The following RUNX3 variants were observed in gnomAD, a reference collection of about 807,000 sequenced individuals.
The protein encoded by RUNX3 is RUNX family transcription factor 3, also known as runt-related transcription factor 3.
A neutral mutation model predicts 27.7 loss-of-function variants in RUNX3; 10 were observed. That is an observed-to-expected ratio of 0.36 (90% CI 0.22 to 0.61). RUNX3 has a LOEUF of 0.61. Ranked by LOEUF, RUNX3 falls within the 20% of genes least tolerant of loss-of-function variation. RUNX3 has a pLI of 0.72. For missense variants in RUNX3, 469 were observed against 629.5 expected, an observed-to-expected ratio of 0.75 and a Z score of 2.73; for synonymous variants, 270 against 269.2, an observed-to-expected ratio of 1.00 and a Z score of -0.03.
Position 24,918,646 on chromosome 1 carries a change from C to A in RUNX3, c.544+594G>T, listed in dbSNP as rs147501527. ...TGTGGACACAGAGCCTCAGCCTACC[C>A]TCCCACTTCCCCAGCCTTAATCTGA... On this transcript the variant is annotated intron_variant, in intron 3 of 4. Coordinates refer to ENST00000308873, the MANE Select transcript of RUNX3 (RefSeq NM_004350.3). Among the ~76,000 whole-genome samples, 609 of 152,236 alleles carry A rather than the reference C, an allele frequency of 4.0e-3. 6 individuals carry two copies. The highest frequency in any genetic ancestry group is 0.014 in the African/African-American group (569 of 41,532).
chr1:24,949,966 A>AACCCCAGGAG, intron 2 of RUNX3, among the ~76,000 whole-genome samples: 1 of 152,180 alleles, frequency 6.6e-6, no homozygotes, highest in South Asian at 2.1e-4. Flanking sequence ...TGGGCCCTGG[A>AACCCCAGGAG]ACCCCAGGAG....
At chr1:24,935,871 C>T (rs114951607) in intron 2 of RUNX3, among the ~76,000 whole-genome samples, 197 of 152,302 alleles carry the variant, frequency 1.3e-3, no homozygotes, top group Non-Finnish European at 2.4e-3. Flanking sequence ...ACCCAAGCTC[C>T]GAAAGTAAAG....
intron 3 of RUNX3, 126 bp downstream of exon 3, chr1:24,919,114 T>TG: frequency 5.0e-6 from 3 of 594,206 alleles, no homozygotes; most frequent in Non-Finnish European, 8.7e-6. Flanking sequence ...ACGCAGTGTG[T>TG]GGGGGCACAG....
rs1640686719 is a variant in RUNX3 at position 24,907,346 on chromosome 1, T to C, written c.616A>G (p.Met206Val). 5.6e-6 allele frequency: 9 copies of C among 1,613,666 alleles called. No homozygotes were observed. Residue 206 changes from methionine to valine, a missense_variant, in exon 4 of 5, where the codon ATG (methionine) becomes GTG (valine). Physicochemically the swap from Met to Val is conservative, Grantham distance 21. Transcript: ENST00000308873. ...DRFGDLERLRMRVTPSTPSPR... is the reference protein window; with the variant it reads ...DRFGDLERLRVRVTPSTPSPR... ...CTGGGTGTGCTCGGTGTCACCCGCA[T>C]GCGCAGCCGTTCCAGGTCCCCAAAG...
chr1:24,930,706 G>A (rs559050540), upstream of RUNX3, among the ~76,000 whole-genome samples: 53 of 152,306 alleles, frequency 3.5e-4, no homozygotes, highest in South Asian at 4.1e-4. The surrounding 1 kb of genome is among the most constrained non-coding windows in gnomAD (Gnocchi z 4.1). Context: ...GGGCCGCGGG[G>A]TCTCAGGGCC....
intron 2 of RUNX3, among the ~76,000 whole-genome samples, chr1:24,939,301 C>T (rs1641420604): frequency 6.6e-6 from 1 of 152,236 alleles, no homozygotes; most frequent in African/African-American, 2.4e-5. Context: ...AGCTCACACC[C>T]ACATGGACAA....
chr1:24,932,332 A>AG (rs1408367702), upstream of RUNX3, among the ~76,000 whole-genome samples: 50 of 4,820 alleles, frequency 0.01, no homozygotes, highest in Non-Finnish European at 0.015. Flanking sequence ...CGGCGGGGGG[A>AG]GGGGGGGCGG....
intron 3 of RUNX3, among the ~76,000 whole-genome samples, chr1:24,914,883 C>T (rs539686644): frequency 6.6e-6 from 1 of 152,296 alleles, no homozygotes; most frequent in East Asian, 1.9e-4. Flanking sequence ...GGCCCCTGCT[C>T]AAAGGTCACC....
In RUNX3 at chr1:24,904,382, C is replaced by T. The variant is rs1333717983; in HGVS notation, c.704-1716G>A. Among the ~76,000 whole-genome samples, 2 of 152,202 alleles carry T rather than the reference C, an allele frequency of 1.3e-5. No individual in the cohort carries two copies. The highest frequency in any genetic ancestry group is 4.8e-5 in the African/African-American group (2 of 41,448). ...CGTGGATCCGAACGGAGTGATGCTC[C>T]TGGCTTAAGGTAAGAAGATGTGGGG... On this transcript the variant is annotated intron_variant, in intron 4 of 4. Coordinates refer to ENST00000308873, the MANE Select transcript of RUNX3 (RefSeq NM_004350.3). This position sits in a 1 kb window ranked among gnomAD's most constrained non-coding sequence, Gnocchi z 5.7.
At chr1:24,960,450 C>T (rs984666249) in intron 2 of RUNX3, among the ~76,000 whole-genome samples, 6 of 152,180 alleles carry the variant, frequency 3.9e-5, no homozygotes, top group African/African-American at 7.2e-5. Flanking sequence ...GCTGGAATCT[C>T]GATACTCTAC....
At chr1:24,908,679 T>C (rs1640738922) in intron 3 of RUNX3, among the ~76,000 whole-genome samples, 1 of 151,900 alleles carries the variant, frequency 6.6e-6, no homozygotes, top group Non-Finnish European at 1.5e-5. Flanking sequence ...AAAAGGAAAC[T>C]GAGGCAACAG....
chr1:24,963,611 T>C (rs1445078979), intron 2 of RUNX3, among the ~76,000 whole-genome samples: 1 of 152,188 alleles, frequency 6.6e-6, no homozygotes, highest in Non-Finnish European at 1.5e-5. Flanking sequence ...AGGAAGCCAC[T>C]GAGCCGTGGG....
intron 2 of RUNX3, among the ~76,000 whole-genome samples, chr1:24,953,233 C>T (rs999241795): frequency 1.1e-4 from 16 of 151,550 alleles, no homozygotes; most frequent in Non-Finnish European, 1.9e-4. Flanking sequence ...GGCGTAGTGG[C>T]GGGCACCTGT....
chr1:24,926,976 C>A (rs1339142500), intron 2 of RUNX3, among the ~76,000 whole-genome samples: 3 of 151,522 alleles, frequency 2.0e-5, no homozygotes, highest in Non-Finnish European at 4.4e-5. Context: ...GTCAGACAGG[C>A]AGGGTGGCAC....
upstream of RUNX3, among the ~76,000 whole-genome samples, chr1:24,932,766 G>T (rs929116981): frequency 6.6e-6 from 1 of 152,170 alleles, no homozygotes; most frequent in Non-Finnish European, 1.5e-5. Context: ...CCCACCTGGG[G>T]CATGCAGACA....
intron 2 of RUNX3, among the ~76,000 whole-genome samples, chr1:24,960,517 C>A (rs1043997288): frequency 1.3e-5 from 2 of 152,206 alleles, no homozygotes; most frequent in Non-Finnish European, 2.9e-5. Context: ...TTTGCCCCCC[C>A]GCCGCCCCAG....
rs974915355 is a variant in RUNX3, at chr1:24,902,125, G to A, written c.1245C>T (p.Tyr415=). 1.3e-6 allele frequency: 2 copies of A among 1,541,196 alleles called. No individual in the cohort carries two copies. Among genetic ancestry groups the A allele is most frequent in the Middle Eastern group, 2.3e-4 (1 of 4,292 alleles). The change falls in exon 5 of 5, where the codon TAC becomes TAT. Residue 415 remains tyrosine, a synonymous_variant. Transcript: ENST00000308873. The surrounding 1 kb of genome is among the most constrained non-coding windows in gnomAD (Gnocchi z 9.2). ...GRMDEAVWRP[Y] ...CGGGAGGAGTCCACCAGGGCGGTCA[G>A]TAGGGCCGCCACACGGCCTCATCCA...
In RUNX3 at chr1:24,943,228, G is replaced by T. The variant is rs1056650915; in HGVS notation, c.59-13376C>A. Among the ~76,000 whole-genome samples, 4 of 152,240 alleles carry T rather than the reference G, an allele frequency of 2.6e-5. No homozygotes were observed. Among genetic ancestry groups the T allele is most frequent in the African/African-American group, 4.8e-5 (2 of 41,472 alleles). On this transcript the variant is annotated intron_variant, in intron 2 of 6. Transcript: ENST00000338888. This position sits in a 1 kb window ranked among gnomAD's most constrained non-coding sequence, Gnocchi z 4.6. ...GGGGCAGGCATGCCACCCAGCACGT[G>T]GGGGAGGCCAGGGCTTTGGGAGCAT...
chr1:24,946,689 C>T (rs902420690), intron 2 of RUNX3, among the ~76,000 whole-genome samples: 3 of 152,086 alleles, frequency 2.0e-5, no homozygotes, highest in Admixed American at 1.3e-4. Flanking sequence ...TGGTTCCTTC[C>T]TTAGGACAGA....
Sources: gnomAD v4.1 joint callset for allele counts (sites outside exome capture counted in the v4.1 genomes callset) on GRCh38, gnomAD v4.1.1 for gene constraint, Gnocchi (gnomAD v3.1) non-coding constraint, MANE v1.5 for transcripts, NCBI Gene and HGNC (gene_info 2026-07-23, HGNC 2026-07-21) for gene names.